Variants in BSCL2 observed in about 807,000 individuals in gnomAD.
BSCL2 encodes BSCL2 lipid droplet biogenesis associated, seipin.
In BSCL2, 41 loss-of-function variants were observed where a neutral mutation model predicts 57.4. The ratio of observed to expected loss-of-function variants is 0.71; its 90% confidence interval spans 0.56 to 0.93. BSCL2 has a LOEUF of 0.93. Ranked by LOEUF, BSCL2 falls within the 40% of genes least tolerant of loss-of-function variation. BSCL2 has a pLI of 0.00. For synonymous variants in BSCL2, 237 were observed against 227.3 expected (o/e 1.04, Z -0.38); for missense variants, 539 against 586.7 (o/e 0.92, Z 0.84).
intron 8 of BSCL2, 43 bp from the exon 9 acceptor site, chr11:62,690,910 G>A (rs1554982941): frequency 6.2e-7 from 1 of 1,606,160 alleles, no homozygotes; most frequent in Non-Finnish European, 8.5e-7. Flanking sequence ...GGTTAGGGTG[G>A]CTGTGCCTGG....
intron 4 of BSCL2, among the ~76,000 whole-genome samples, chr11:62,693,232 G>A (rs978564144): frequency 2.0e-5 from 3 of 152,048 alleles, no homozygotes; most frequent in African/African-American, 4.8e-5. Context: ...GGCCAGGTGC[G>A]GTGGCTCACA....
At chr11:62,701,324 A>C (rs1945631213) in intron 3 of BSCL2, among the ~76,000 whole-genome samples, 2 of 152,194 alleles carry the variant, frequency 1.3e-5, no homozygotes, top group African/African-American at 4.8e-5. Flanking sequence ...ATGGGGTTAC[A>C]TTCCGATAAA....
At chr11:62,703,949 TCTA>T (rs1165079988) in intron 2 of BSCL2, among the ~76,000 whole-genome samples, 1 of 146,986 alleles carries the variant, frequency 6.8e-6, no homozygotes, top group African/African-American at 2.5e-5. Flanking sequence ...AAACCCCATC[TCTA>T]CTAAAAATAC....
chr11:62,691,269 C>T lies in BSCL2; in HGVS notation c.1005+11G>A, dbSNP rs767141751. ...TCAAAGGGACAAAAGGGGGTCCTTG[C>T]CCCTTTCGACCTGCAAAGAGAAGCG... On this transcript the variant is annotated intron_variant, in intron 7 of 10. Transcript: ENST00000360796. 1.2e-6 allele frequency: 2 copies of T among 1,614,164 alleles called. No individual in the cohort carries two copies. Among genetic ancestry groups the T allele is most frequent in the Non-Finnish European group, 1.7e-6 (2 of 1,180,012 alleles).
intron 3 of BSCL2, among the ~76,000 whole-genome samples, chr11:62,701,789 G>A (rs1363240272): frequency 1.4e-5 from 2 of 147,210 alleles, no homozygotes; most frequent in Non-Finnish European, 3.0e-5. Flanking sequence ...CTGAGATCGC[G>A]CCACTGCAAT....
At position 62,690,696 on chromosome 11, in the gene BSCL2, C is replaced by A; in HGVS notation, c.1154-4G>T. The A allele has an allele frequency of 1.2e-6, 2 of 1,613,806 alleles. No homozygotes were observed. The highest frequency in any genetic ancestry group is 1.7e-6 in the Non-Finnish European group (2 of 1,180,002). On this transcript the variant is annotated splice_region_variant and splice_polypyrimidine_tract_variant and intron_variant, in intron 9 of 10. Coordinates refer to ENST00000360796, the MANE Select transcript of BSCL2 (RefSeq NM_001122955.4). The stretch of plus-strand genomic sequence containing the variant: ...TCCTCCTCGGACAGCTGACCCTCTG[C>A]AGCCAAAAGGGGAATGCAGGGGTCA...
chr11:62,697,673 A>C (rs1945511651), intron 3 of BSCL2: 2 of 151,678 alleles, frequency 1.3e-5, no homozygotes, highest in South Asian at 4.2e-4. Context: ...ATGCGCCTGT[A>C]ATCTCAGCTA....
In BSCL2 at chr11:62,696,278, T is replaced by TGTGTGTGTGTGTGTG. The variant is rs371756427; in HGVS notation, c.487-1568_487-1567insCACACACACACACAC. On this transcript the variant is annotated intron_variant, in intron 3 of 10. Transcript: ENST00000360796. ...TTAAGCCAGTTGCTTCATAAACTTT[T>TGTGTGTGTGTGTGTG]TGTGTGTGTGTGTGTGTGTGTGTGT... is the stretch of plus-strand genomic sequence containing the variant. Among the ~76,000 whole-genome samples the TGTGTGTGTGTGTGTG allele has an allele frequency of 1.6e-3, 224 of 136,318 alleles. 2 individuals carry two copies. Among genetic ancestry groups the TGTGTGTGTGTGTGTG allele is most frequent in the Middle Eastern group, 7.4e-3 (2 of 270 alleles). 89.4% of individuals were successfully genotyped at this position (136,318 alleles called of 152,430 possible). A position where few individuals can be genotyped will look rare whatever the true frequency, so the allele number is the denominator to read the frequency against.
At chr11:62,694,766 G>A (rs969456557) in intron 3 of BSCL2, 55 bp from the exon 4 acceptor site, 1 of 1,577,352 alleles carries the variant, frequency 6.3e-7, no homozygotes, top group Non-Finnish European at 8.6e-7. Context: ...AAAATGTACT[G>A]TCTCTATTCC....
Position 62,705,451 on chromosome 11 carries a change from G to A in BSCL2, c.254C>T (p.Ala85Val). 3 of 1,614,232 alleles carry A rather than the reference G, an allele frequency of 1.9e-6. No homozygotes were observed. Among genetic ancestry groups the A allele is most frequent in the South Asian group, 1.1e-5 (1 of 91,082 alleles). The change falls in exon 2 of 11, where the codon GCA (alanine) becomes GTA (valine). Residue 85 changes from alanine (A) to valine (V), a missense_variant. By Grantham distance (64) the Ala-to-Val change is moderately conservative. Transcript: ENST00000360796. ...LWAQEVGQVL[A>V]GRARRLLLQF... ...CAGCAGCAGCCTGCGGGCACGGCCT[G>A]CCAAGACTTGGCCCACCTCCTGGGC... is the stretch of plus-strand genomic sequence containing the variant.
At position 62,702,504 on chromosome 11, in the gene BSCL2, A is replaced by C; in HGVS notation, c.450T>G (p.Val150=). ...CACCCTTAGTCAGCGAGACATTGGCAACAGGGAAGGAGCAGAGTGAGGTGG... is the reference window on the plus strand; with the variant it reads ...CACCCTTAGTCAGCGAGACATTGGCCACAGGGAAGGAGCAGAGTGAGGTGG... The part of the protein sequence containing the change: ...SSTTSLCSFP[V]ANVSLTKGGR... Residue 150 remains valine, a synonymous_variant, in exon 3 of 11, where the codon GTT becomes GTG. Transcript: ENST00000360796. 6.2e-7 allele frequency: 1 copy of C among 1,613,148 alleles called. No homozygotes were observed. Among genetic ancestry groups the C allele is most frequent in the South Asian group, 1.1e-5 (1 of 91,066 alleles).
At chr11:62,693,447 T>A (rs1412015952) in intron 4 of BSCL2, among the ~76,000 whole-genome samples, 1 of 152,004 alleles carries the variant, frequency 6.6e-6, no homozygotes, top group Non-Finnish European at 1.5e-5. Context: ...AAGGTTGCCG[T>A]GAGCCGAGAT....
Position 62,706,560 on chromosome 11 carries a change from C to A in BSCL2, c.87+549G>T, listed in dbSNP as rs143831637. On this transcript the variant is annotated intron_variant, in intron 1 of 10. Coordinates refer to ENST00000360796, the MANE Select transcript of BSCL2 (RefSeq NM_001122955.4). ...TGTGCCCCAGGGGATGCGCTGACTG[C>A]AGCCTCCGCTCGGCTCTCCCTTGAG... 1.6e-3 allele frequency: 753 copies of A among 463,428 alleles called. 3 individuals carry two copies. The highest frequency in any genetic ancestry group is 0.013 in the African/African-American group (651 of 50,140). 28.7% of individuals were successfully genotyped at this position (463,428 alleles called of 1,614,324 possible).
chr11:62,700,598 G>A (rs147066293), intron 3 of BSCL2, among the ~76,000 whole-genome samples: 6 of 152,280 alleles, frequency 3.9e-5, no homozygotes, highest in African/African-American at 1.4e-4. Flanking sequence ...CCAAGATCGT[G>A]CCATTGCACT....
intron 3 of BSCL2, among the ~76,000 whole-genome samples, chr11:62,698,165 C>A (rs1169742496): frequency 6.6e-6 from 1 of 151,678 alleles, no homozygotes; most frequent in Non-Finnish European, 1.5e-5. Flanking sequence ...CCTCGGCCTC[C>A]CAAAGTGCTG....
At position 62,691,316 on chromosome 11, in the gene BSCL2, C is replaced by T. The variant is rs1444410995; in HGVS notation, c.969G>A (p.Trp323Ter). ...AGCGGTGTCGGGGCCAGATGCCCCC[C>T]CACACCCACTGCATGTAGCTGAAGA... ...IVLFSYMQWV[W>*]GGIWPRHRFS... The change falls in exon 7 of 11, where the codon TGG becomes TGA. Residue 323 changes from tryptophan (W) to a stop codon, truncating the protein, a stop_gained. Coordinates refer to ENST00000360796, the MANE Select transcript of BSCL2 (RefSeq NM_001122955.4). LOFTEE classifies it high-confidence loss of function. The T allele has an allele frequency of 6.2e-7, 1 of 1,614,150 alleles. No individual in the cohort carries two copies. The highest frequency in any genetic ancestry group is 1.3e-5 in the African/African-American group (1 of 75,030).
chr11:62,691,379 A>G lies in BSCL2; in HGVS notation c.906T>C (p.Gly302=). Residue 302 remains glycine (G), a synonymous_variant, in exon 7 of 11, where the codon GGT becomes GGC. Transcript: ENST00000360796. The part of the protein sequence containing the change: ...YNFPMTCAFI[G]VASNFTFLSV... The stretch of plus-strand genomic sequence containing the variant: ...TGAGGAAGGTGAAGTTGCTGGCAAC[A>G]CCTATGAAGGCGCAGGTCATCGGGA... The G allele has an allele frequency of 6.2e-7, 1 of 1,614,196 alleles. No homozygotes were observed. The highest frequency in any genetic ancestry group is 8.5e-7 in the Non-Finnish European group (1 of 1,180,044).
chr11:62,693,549 T>C (rs1369899940), intron 4 of BSCL2, among the ~76,000 whole-genome samples: 1 of 152,104 alleles, frequency 6.6e-6, no homozygotes, highest in African/African-American at 2.4e-5. Flanking sequence ...TAATGGGAAT[T>C]TTACATTTCC....
Position 62,690,633 on chromosome 11 carries a change from GCTC to G in BSCL2, c.1210_1212del (p.Glu404del), listed in dbSNP as rs556562410. ...TCACCATCACTGGCCTCAGGCTCTAGCTCCTCTTCTCCGCTCAGGGGCTGCTGA... is the reference window on the plus strand; with the variant it reads ...TCACCATCACTGGCCTCAGGCTCTAGCTCTTCTCCGCTCAGGGGCTGCTGA... On this transcript the variant is annotated inframe_deletion, in exon 10 of 11. Transcript: ENST00000360796. The G allele has an allele frequency of 1.4e-4, 225 of 1,613,998 alleles. No individual in the cohort carries two copies. The African/African-American group carries it at 1.8e-3, about 13-fold the overall frequency.
Sources: gnomAD v4.1 joint callset for allele counts (sites outside exome capture counted in the v4.1 genomes callset) on GRCh38, gnomAD v4.1.1 for gene constraint, MANE v1.5 for transcripts, NCBI Gene and HGNC (gene_info 2026-07-23, HGNC 2026-07-21) for gene names.